ABR: variants seen among roughly 807,000 people sequenced by gnomAD.
The protein encoded by ABR is ABR activator of RhoGEF and GTPase.
In ABR, 35 loss-of-function variants were observed where a neutral mutation model predicts 107.2. That is an observed-to-expected ratio of 0.33 (90% confidence interval 0.25 to 0.43). The LOEUF (loss-of-function observed/expected upper bound fraction) is 0.43, where lower values mean the gene tolerates loss of function less well. Ranked by LOEUF, ABR falls within the 20% of genes least tolerant of loss-of-function variation. The probability of loss-of-function intolerance (pLI) is 1.00; values close to 1 mark genes in which losing one functional copy is unlikely to be tolerated. For synonymous variants in ABR, 498 were observed against 462.0 expected (o/e 1.08, Z -1.00); for missense variants, 815 against 1,115.2 (o/e 0.73, Z 3.83).
intron 1 of ABR, among the ~76,000 whole-genome samples, chr17:1,173,453 C>A (rs1031948347): frequency 6.6e-6 from 1 of 151,296 alleles, no homozygotes; most frequent in Non-Finnish European, 1.5e-5. Context: ...AAGCCGCCTG[C>A]CCTAGGTTTG....
At chr17:1,057,649 ATGTGTGTATGTGTGTGTGTGTGTGTG>A (rs2033474289) in intron 12 of ABR, among the ~76,000 whole-genome samples, 1 of 137,600 alleles carries the variant, frequency 7.3e-6, no homozygotes, top group Non-Finnish European at 1.6e-5. Flanking sequence ...GCCTCTGTGT[ATGTGTGTATGTGTGTGTGTGTGTGTG>A]TGTGTGTGTC....
At chr17:1,204,031 C>A (rs1343939003) in intron 1 of ABR, among the ~76,000 whole-genome samples, 1 of 152,246 alleles carries the variant, frequency 6.6e-6, no homozygotes, top group African/African-American at 2.4e-5. Context: ...CCCCGGCCCA[C>A]GGGCCAGCCC....
In ABR at chr17:1,115,554, T is replaced by C. The variant is rs980301920; in HGVS notation, c.246+9629A>G. The C allele has an allele frequency of 7.2e-5, 11 of 152,508 alleles. 1 individual carries two copies. Among genetic ancestry groups the C allele is most frequent in the African/African-American group, 2.2e-4 (9 of 41,474 alleles). 9.4% of individuals were successfully genotyped at this position (152,508 alleles called of 1,614,324 possible). On this transcript the variant is annotated intron_variant, in intron 2 of 22. Coordinates refer to ENST00000302538, the MANE Select transcript of ABR (RefSeq NM_021962.5). ...GGGACTGGATTCGTCACCTTCCAGATCACCTTGCTCCTCCCTCTGCCTCCT... is the reference window on the plus strand; with the variant it reads ...GGGACTGGATTCGTCACCTTCCAGACCACCTTGCTCCTCCCTCTGCCTCCT...
chr17:1,012,068 C>T, intron 18 of ABR, 83 bp from the exon 19 acceptor site: 2 of 1,594,230 alleles, frequency 1.3e-6, no homozygotes, highest in Non-Finnish European at 1.7e-6. Flanking sequence ...CACACACACC[C>T]TGGAGAGCTT....
intron 2 of ABR, among the ~76,000 whole-genome samples, chr17:1,119,935 G>A (rs1282944896): frequency 1.3e-5 from 2 of 152,160 alleles, no homozygotes; most frequent in African/African-American, 4.8e-5. Flanking sequence ...CCCAGGCGGG[G>A]TACAATGCCT....
intron 16 of ABR, among the ~76,000 whole-genome samples, chr17:1,021,523 C>T (rs2071631594): frequency 6.6e-6 from 1 of 152,262 alleles, no homozygotes; most frequent in Non-Finnish European, 1.5e-5. Context: ...AGTGCTTCTT[C>T]AGCCAGGTGC....
chr17:1,132,667 A>G (rs1187877547), intron 1 of ABR, among the ~76,000 whole-genome samples: 1 of 152,032 alleles, frequency 6.6e-6, no homozygotes, highest in African/African-American at 2.4e-5. Flanking sequence ...GTGAGCCACC[A>G]CACCTGGCCA....
chr17:1,108,806 GC>G (rs2038439960), intron 2 of ABR: 1 of 580,204 alleles, frequency 1.7e-6, no homozygotes, highest in African/African-American at 3.8e-5. Context: ...AGCTGCCGGG[GC>G]CGGGACCCTC....
chr17:1,103,865 G>A (rs923261800), intron 2 of ABR, among the ~76,000 whole-genome samples: 7 of 152,176 alleles, frequency 4.6e-5, no homozygotes, highest in African/African-American at 1.7e-4. Context: ...AGGAAGGCCT[G>A]TTCCATCTCC....
chr17:1,173,264 C>A (rs544590004), intron 1 of ABR, among the ~76,000 whole-genome samples: 3 of 123,098 alleles, frequency 2.4e-5, no homozygotes. Flanking sequence ...CTCAGCCCAC[C>A]CAACACATCA....
intron 20 of ABR, 177 bp from the exon 21 acceptor site, chr17:1,009,961 A>G: frequency 1.6e-6 from 1 of 614,930 alleles, no homozygotes; most frequent in Non-Finnish European, 2.9e-6. Flanking sequence ...TGCTTCCTCC[A>G]GGAGGCCCCA....
At position 1,006,057 on chromosome 17, in the gene ABR, G is replaced by A. The variant is rs199810449; in HGVS notation, c.*23C>T. On this transcript the variant is annotated 3_prime_UTR_variant, in exon 23 of 23. Transcript: ENST00000302538. ...GCTGGAGGGGCTGGTTCCACCACCCGCCCGCAGCCACCCTGCCTCGGGCTA... is the reference window on the plus strand; with the variant it reads ...GCTGGAGGGGCTGGTTCCACCACCCACCCGCAGCCACCCTGCCTCGGGCTA... 3.9e-4 allele frequency: 597 copies of A among 1,546,406 alleles called. 5 individuals carry two copies. The African/African-American group carries it at 4.5e-3, about 12-fold the overall frequency.
chr17:1,185,656 A>AATAAAAT (rs2042267577), intron 1 of ABR, among the ~76,000 whole-genome samples: 1 of 112,072 alleles, frequency 8.9e-6, no homozygotes, highest in African/African-American at 4.2e-5. Flanking sequence ...GAAAGAAATA[A>AATAAAAT]AAAAAAAAAA....
intron 2 of ABR, among the ~76,000 whole-genome samples, chr17:1,121,008 A>G (rs1415189298): frequency 6.6e-6 from 1 of 152,224 alleles, no homozygotes; most frequent in East Asian, 1.9e-4. Flanking sequence ...AGCTGAGATG[A>G]GTCCTGGCCC....
At position 1,200,308 on chromosome 17, in the gene ABR, C is replaced by T. The variant is rs62088679; in HGVS notation, c.838+28485G>A. ...CTCACGCCTGTAATCCCAACACTTT[C>T]GGACGATCGCTTGAAGCCAGGAGTT... On this transcript the variant is annotated intron_variant, in intron 1 of 22. Transcript: ENST00000574139. The surrounding 1 kb of genome is among the most constrained non-coding windows in gnomAD (Gnocchi z 4.1). Among the ~76,000 whole-genome samples the T allele has an allele frequency of 2.0e-5, 3 of 152,024 alleles. No individual in the cohort carries two copies. Among genetic ancestry groups the T allele is most frequent in the Non-Finnish European group, 2.9e-5 (2 of 68,028 alleles).
chr17:1,114,395 G>A (rs2038885429), intron 2 of ABR, among the ~76,000 whole-genome samples: 4 of 151,314 alleles, frequency 2.6e-5, no homozygotes, highest in Middle Eastern at 3.4e-3. Flanking sequence ...CCTTGAATCC[G>A]GGAGGCAGTG....
chr17:1,128,650 G>T (rs959017028), intron 1 of ABR, among the ~76,000 whole-genome samples: 1 of 152,226 alleles, frequency 6.6e-6, no homozygotes, highest in Non-Finnish European at 1.5e-5. Flanking sequence ...TGATGGGATG[G>T]CTGGAGCCCC....
chr17:1,130,283 T>C (rs1248033258), intron 1 of ABR, among the ~76,000 whole-genome samples: 2 of 152,038 alleles, frequency 1.3e-5, no homozygotes, highest in Non-Finnish European at 2.9e-5. Flanking sequence ...AAACGCAGCC[T>C]TTTCCCAAAG....
In ABR at chr17:1,092,110, C is replaced by T. The variant is rs906665925; in HGVS notation, c.346-260G>A. Among the ~76,000 whole-genome samples, 14 of 152,144 alleles carry T rather than the reference C, an allele frequency of 9.2e-5. No individual in the cohort carries two copies. The highest frequency in any genetic ancestry group is 1.4e-4 in the African/African-American group (6 of 41,432). ...GGTGCCTGGGCTCACTCCCCTACCA[C>T]GCAGCTGAGCTCAGCAGCAGCCTGT... On this transcript the variant is annotated intron_variant, in intron 3 of 22. Transcript: ENST00000302538. The surrounding 1 kb of genome is among the most constrained non-coding windows in gnomAD (Gnocchi z 4.6).
Sources: gnomAD v4.1 joint callset for allele counts (sites outside exome capture counted in the v4.1 genomes callset) on GRCh38, gnomAD v4.1.1 for gene constraint, Gnocchi (gnomAD v3.1) non-coding constraint, MANE v1.5 for transcripts, NCBI Gene and HGNC (gene_info 2026-07-23, HGNC 2026-07-21) for gene names.